The following ARMC9 variants were observed in gnomAD, a reference collection of about 807,000 sequenced individuals.
The protein encoded by ARMC9 is armadillo repeat containing 9.
Under a neutral mutation model 107.0 loss-of-function variants are expected in ARMC9, and 94 were observed. The ratio of observed to expected loss-of-function variants is 0.88; its 90% confidence interval spans 0.74 to 1.04. ARMC9 has a LOEUF of 1.04. Among genes scored for constraint, ARMC9 ranks in the 50% least tolerant of loss-of-function variants. The pLI is 0.00. For synonymous variants in ARMC9, 380 were observed against 396.9 expected, an observed-to-expected ratio of 0.96 and a Z score of 0.51; for missense variants, 942 against 1,030.1, an observed-to-expected ratio of 0.91 and a Z score of 1.17.
At chr2:231,328,814 C>CTTTTTTTTTTGTTTTTTT (rs1341987081) in intron 19 of ARMC9, among the ~76,000 whole-genome samples, 1 of 127,342 alleles carries the variant, frequency 7.9e-6, no homozygotes, top group African/African-American at 2.9e-5. Context: ...CTTTTCTTTT[C>CTTTTTTTTTTGTTTTTTT]TTTTCTTTTT....
At chr2:231,252,703 C>G (rs181453069) in intron 9 of ARMC9, among the ~76,000 whole-genome samples, 213 of 152,198 alleles carry the variant, frequency 1.4e-3, no homozygotes, top group African/African-American at 5.0e-3. Context: ...ATGGTGTGAT[C>G]TTAGCTCACT....
intron 20 of ARMC9, among the ~76,000 whole-genome samples, chr2:231,332,350 G>A (rs977406878): frequency 1.1e-4 from 17 of 152,144 alleles, no homozygotes; most frequent in Non-Finnish European, 2.4e-4. Context: ...AGCAAGGAGG[G>A]GCATTCCAGC....
chr2:231,308,615 G>A (rs1255269976), intron 19 of ARMC9, among the ~76,000 whole-genome samples: 2 of 152,146 alleles, frequency 1.3e-5, no homozygotes, highest in African/African-American at 2.4e-5. Context: ...TGTGTAGGGC[G>A]AAACTAGATT....
intron 23 of ARMC9, among the ~76,000 whole-genome samples, chr2:231,365,773 C>T (rs985667877): frequency 6.6e-6 from 1 of 152,176 alleles, no homozygotes; most frequent in African/African-American, 2.4e-5. Flanking sequence ...TCAAGCTCCT[C>T]GGCCTCCTGG....
intron 19 of ARMC9, among the ~76,000 whole-genome samples, chr2:231,329,844 CT>C (rs2043600648): frequency 6.6e-6 from 1 of 151,958 alleles, no homozygotes. Context: ...TATGTGGTTT[CT>C]TTGTAGATTC....
intron 9 of ARMC9, among the ~76,000 whole-genome samples, chr2:231,249,659 C>T (rs1367370023): frequency 1.3e-5 from 2 of 152,126 alleles, no homozygotes; most frequent in Non-Finnish European, 2.9e-5. Flanking sequence ...TTCCAGAGAA[C>T]CTAGAAGGGA....
chr2:231,203,786 C>G (rs2125301513), intron 1 of ARMC9, among the ~76,000 whole-genome samples: 1 of 152,216 alleles, frequency 6.6e-6, no homozygotes, highest in South Asian at 2.1e-4. Context: ...GTGGTAAAAC[C>G]CCGTCTCTAC....
chr2:231,284,867 T>C (rs2040470681), intron 17 of ARMC9, among the ~76,000 whole-genome samples: 1 of 152,098 alleles, frequency 6.6e-6, no homozygotes, highest in Non-Finnish European at 1.5e-5. Flanking sequence ...TTTTGAAAAA[T>C]ATTACAAATA....
rs2125483074 is a variant in ARMC9, at chr2:231,296,215, G to A, written c.1735G>A (p.Val579Ile). Residue 579 changes from valine to isoleucine, a missense_variant, in exon 19 of 25, where the codon GTT becomes ATT. Physicochemically the swap from Val to Ile is conservative, Grantham distance 29. Coordinates refer to ENST00000611582, the MANE Select transcript of ARMC9 (RefSeq NM_001352754.2). ...QLNSEELPDG[V>I]LESDDDEDED... ...CTTTATAGAAGAGCTACCAGATGGT[G>A]TTCTTGAATCTGATGATGATGAAGA... 4 of 1,613,500 alleles carry A rather than the reference G, an allele frequency of 2.5e-6. No individual in the cohort carries two copies. Among genetic ancestry groups the A allele is most frequent in the Non-Finnish European group, 3.4e-6 (4 of 1,179,628 alleles).
chr2:231,226,234 A>G (rs2034633172), intron 6 of ARMC9, among the ~76,000 whole-genome samples: 2 of 152,230 alleles, frequency 1.3e-5, no homozygotes, highest in Non-Finnish European at 2.9e-5. Flanking sequence ...AAAGTTTAAG[A>G]CAAATTAAGG....
At chr2:231,324,336 C>G (rs895240330) in intron 19 of ARMC9, among the ~76,000 whole-genome samples, 1 of 151,310 alleles carries the variant, frequency 6.6e-6, no homozygotes, top group Non-Finnish European at 1.5e-5. Context: ...CCATATTGGC[C>G]AGGCTGGTCT....
intron 20 of ARMC9, among the ~76,000 whole-genome samples, chr2:231,337,796 T>C (rs1460201990): frequency 6.6e-6 from 1 of 152,208 alleles, no homozygotes; most frequent in Non-Finnish European, 1.5e-5. Context: ...CAAAATATCT[T>C]GAATCCTTTT....
chr2:231,233,261 T>C (rs2035406996), intron 7 of ARMC9, among the ~76,000 whole-genome samples: 1 of 152,202 alleles, frequency 6.6e-6, no homozygotes, highest in Non-Finnish European at 1.5e-5. Context: ...AGAACACAAA[T>C]TAGGAAGAAT....
intron 2 of ARMC9, 109 bp from the exon 3 acceptor site, chr2:231,208,018 G>T (rs2032280152): frequency 3.4e-6 from 2 of 588,210 alleles, no homozygotes; most frequent in East Asian, 3.0e-5. Flanking sequence ...GTATCTGTTG[G>T]TCTTTTTAAT....
chr2:231,291,039 T>A (rs2040954456), intron 17 of ARMC9, among the ~76,000 whole-genome samples: 1 of 151,432 alleles, frequency 6.6e-6, no homozygotes, highest in African/African-American at 2.4e-5. Flanking sequence ...ATGAAAAGGA[T>A]AAAATGAATG....
At chr2:231,246,846 C>T (rs1036069106) in intron 9 of ARMC9, among the ~76,000 whole-genome samples, 2 of 152,072 alleles carry the variant, frequency 1.3e-5, no homozygotes, top group African/African-American at 4.8e-5. Flanking sequence ...GAGACAAGGC[C>T]TTGCTTTGTC....
intron 18 of ARMC9, among the ~76,000 whole-genome samples, chr2:231,291,873 A>G (rs1352092894): frequency 6.6e-6 from 1 of 151,540 alleles, no homozygotes; most frequent in Non-Finnish European, 1.5e-5. Flanking sequence ...CATAGACAAA[A>G]GTTCAGCCAG....
At chr2:231,304,619 A>G (rs1266441413) in intron 19 of ARMC9, among the ~76,000 whole-genome samples, 3 of 151,544 alleles carry the variant, frequency 2.0e-5, no homozygotes, top group East Asian at 1.9e-4. Context: ...CTGATCTTGA[A>G]CTCCTGACCT....
chr2:231,203,365 A>G (rs1307731437), intron 1 of ARMC9, among the ~76,000 whole-genome samples: 1 of 152,100 alleles, frequency 6.6e-6, no homozygotes, highest in African/African-American at 2.4e-5. Flanking sequence ...CATGTCCCAC[A>G]ACTAACTGGT....
Sources: allele counts gnomAD v4.1 joint callset (sites outside exome capture counted in the v4.1 genomes callset), GRCh38; gene constraint gnomAD v4.1.1; transcripts MANE v1.5; gene names NCBI Gene and HGNC (gene_info 2026-07-23, HGNC 2026-07-21).